Variants in KDM1B observed in about 807,000 individuals in gnomAD.
KDM1B encodes the protein lysine demethylase 1B.
A neutral mutation model predicts 107.4 loss-of-function variants in KDM1B; 63 were observed. The observed-to-expected ratio is 0.59, with a 90% confidence interval of 0.48 to 0.72. KDM1B has a LOEUF of 0.72. Among genes scored for constraint, KDM1B ranks in the 30% least tolerant of loss-of-function variants. The probability of loss-of-function intolerance (pLI) is 0.00; values close to 1 mark genes in which losing one functional copy is unlikely to be tolerated. For missense variants in KDM1B, 749 were observed against 1,020.8 expected (o/e 0.73, Z 3.63); for synonymous variants, 363 against 363.9 (o/e 1.00, Z 0.03).
At position 18,185,792 on chromosome 6, in the gene KDM1B, T is replaced by G; in HGVS notation, c.555T>G (p.Cys185Trp). ...TAIKPETSDH[C>W]SLPEDLRVLE... is the part of the protein sequence containing the mutation. Reference sequence around the variant, plus strand: ...TGTAGCCTGAGACCTCAGATCATTGTTCCCTCCCAGAGGATCTAGTGAGTA... The same window carrying G: ...TGTAGCCTGAGACCTCAGATCATTGGTCCCTCCCAGAGGATCTAGTGAGTA... Residue 185 changes from cysteine to tryptophan, a missense_variant, in exon 8 of 22, where the codon TGT (cysteine) becomes TGG (tryptophan). Coordinates refer to ENST00000650836, the MANE Select transcript of KDM1B (RefSeq NM_001364614.2). 1 of 1,614,088 alleles carries G rather than the reference T, an allele frequency of 6.2e-7. No homozygotes were observed. The highest frequency in any genetic ancestry group is 8.5e-7 in the Non-Finnish European group (1 of 1,179,922).
chr6:18,201,812 A>G lies in KDM1B; in HGVS notation c.1531+155A>G, dbSNP rs1468679699. The stretch of plus-strand genomic sequence containing the variant: ...GGACTGATGGATTCTCCAAGTTCTC[A>G]GGGGAGGAGAACTTTTTGTAGGGAG... On this transcript the variant is annotated intron_variant, in intron 14 of 21. Coordinates refer to ENST00000650836, the MANE Select transcript of KDM1B (RefSeq NM_001364614.2). The surrounding 1 kb of genome is among the most constrained non-coding windows in gnomAD (Gnocchi z 4.3). 6.6e-6 allele frequency among the ~76,000 whole-genome samples: 1 copy of G among 152,188 alleles called. No individual in the cohort carries two copies. Among genetic ancestry groups the G allele is most frequent in the Non-Finnish European group, 1.5e-5 (1 of 68,022 alleles).
At chr6:18,170,059 C>T (rs916132413) in intron 6 of KDM1B, among the ~76,000 whole-genome samples, 2 of 151,910 alleles carry the variant, frequency 1.3e-5, no homozygotes, top group Admixed American at 6.6e-5. Context: ...CAGGCATGCA[C>T]CCCCACGCCC....
intron 5 of KDM1B, among the ~76,000 whole-genome samples, chr6:18,165,158 G>A (rs190588511): frequency 0.039 from 3,128 of 80,686 alleles, 64 homozygotes; most frequent in Admixed American, 0.073. Flanking sequence ...TTTTGAGACA[G>A]AATCTTACTC....
intron 21 of KDM1B, among the ~76,000 whole-genome samples, chr6:18,221,275 C>G (rs954382310): frequency 2.6e-5 from 4 of 152,176 alleles, no homozygotes; most frequent in African/African-American, 9.7e-5. Context: ...CCCCTTTCCA[C>G]AGCCACATCT....
Position 18,213,658 on chromosome 6 carries a change from T to G in KDM1B, c.1986T>G (p.Ile662Met). ...CCTTTCTTCTGCTCACTTTGCAGATTGCCTTGCAATTTCCGTATAGATTTT... is the reference window on the plus strand; with the variant it reads ...CCTTTCTTCTGCTCACTTTGCAGATGGCCTTGCAATTTCCGTATAGATTTT... Reference protein sequence around the residue: ...NSLGAGIIEKIALQFPYRFWD... With the variant: ...NSLGAGIIEKMALQFPYRFWD... Residue 662 changes from isoleucine (I) to methionine (M), a missense_variant and splice_region_variant, in exon 19 of 22, where the codon ATT (isoleucine) becomes ATG (methionine). Ile to Met is a conservative substitution (Grantham distance 10, BLOSUM62 1). Transcript: ENST00000650836. The surrounding 1 kb of genome is among the most constrained non-coding windows in gnomAD (Gnocchi z 5.9). The G allele has an allele frequency of 6.2e-7, 1 of 1,614,078 alleles. No individual in the cohort carries two copies. Among genetic ancestry groups the G allele is most frequent in the Non-Finnish European group, 8.5e-7 (1 of 1,179,972 alleles).
intron 7 of KDM1B, among the ~76,000 whole-genome samples, chr6:18,177,840 T>C (rs1272393928): frequency 1.3e-5 from 2 of 152,312 alleles, no homozygotes; most frequent in East Asian, 1.9e-4. Context: ...TATTGGCTGC[T>C]TTTATGCTAC....
At chr6:18,185,333 G>A (rs370106039) in intron 7 of KDM1B, among the ~76,000 whole-genome samples, 37 of 147,426 alleles carry the variant, frequency 2.5e-4, no homozygotes, top group African/African-American at 7.5e-4. Context: ...ATGGAGTCTC[G>A]CTCTGTTACC....
Position 18,191,087 on chromosome 6 carries a change from TAG to T in KDM1B, c.785-105_785-104del. On this transcript the variant is annotated intron_variant, in intron 9 of 21. Coordinates refer to ENST00000650836, the MANE Select transcript of KDM1B (RefSeq NM_001364614.2). This position sits in a 1 kb window ranked among gnomAD's most constrained non-coding sequence, Gnocchi z 5.1. The stretch of plus-strand genomic sequence containing the variant: ...AGGAAGCAAAGGTATTTATGTAGGG[TAG>T]AGAGTGGAGCTTGTCTAGGCTTACT... 2.5e-6 allele frequency: 2 copies of T among 801,588 alleles called. No homozygotes were observed. The highest frequency in any genetic ancestry group is 4.0e-6 in the Non-Finnish European group (2 of 501,224). 49.7% of individuals were successfully genotyped at this position (801,588 alleles called of 1,614,324 possible). A position where few individuals can be genotyped will look rare whatever the true frequency, so the allele number is the denominator to read the frequency against.
chr6:18,204,495 ACAC>A lies in KDM1B; in HGVS notation c.1532-1036_1532-1034del, dbSNP rs1788245262. ...TCTCAGGAAAAAAAAGAAAAAGAAA[ACAC>A]CACCAGAAAAAGAAACGTGGAGTCT... is the stretch of plus-strand genomic sequence containing the variant. On this transcript the variant is annotated intron_variant, in intron 14 of 21. Coordinates refer to ENST00000650836, the MANE Select transcript of KDM1B (RefSeq NM_001364614.2). The surrounding 1 kb of genome is among the most constrained non-coding windows in gnomAD (Gnocchi z 4.9). 6.6e-6 allele frequency among the ~76,000 whole-genome samples: 1 copy of A among 152,084 alleles called. No homozygotes were observed.
chr6:18,178,027 A>G (rs554766945), intron 7 of KDM1B, among the ~76,000 whole-genome samples: 2 of 152,030 alleles, frequency 1.3e-5, no homozygotes, highest in African/African-American at 4.8e-5. Flanking sequence ...CCTTTGTTCA[A>G]TTTATTTCTA....
chr6:18,162,533 G>A lies in KDM1B; in HGVS notation c.216-302G>A, dbSNP rs1287594496. Among the ~76,000 whole-genome samples the A allele has an allele frequency of 2.0e-5, 3 of 152,056 alleles. No homozygotes were observed. The highest frequency in any genetic ancestry group is 4.4e-5 in the Non-Finnish European group (3 of 68,020). The stretch of plus-strand genomic sequence containing the variant: ...TCTCTCATGTCCACATATGCAGCCT[G>A]CAGCAAGCACAGTGGCATCTGTCCT... On this transcript the variant is annotated intron_variant, in intron 4 of 21. Transcript: ENST00000650836. The surrounding 1 kb of genome is among the most constrained non-coding windows in gnomAD (Gnocchi z 4.1).
In KDM1B at chr6:18,204,762, C is replaced by G. The variant is rs1019153225; in HGVS notation, c.1532-775C>G. Reference sequence around the variant, plus strand: ...AGGGAGAAATTCTGGGGGCTTGCCACGGCCCGGTGATGCCCGACTATAAAG... The same window carrying G: ...AGGGAGAAATTCTGGGGGCTTGCCAGGGCCCGGTGATGCCCGACTATAAAG... On this transcript the variant is annotated intron_variant, in intron 14 of 21. Transcript: ENST00000650836. The surrounding 1 kb of genome is among the most constrained non-coding windows in gnomAD (Gnocchi z 4.9). 6.6e-6 allele frequency among the ~76,000 whole-genome samples: 1 copy of G among 152,140 alleles called. No homozygotes were observed. Among genetic ancestry groups the G allele is most frequent in the Admixed American group, 6.5e-5 (1 of 15,286 alleles).
At position 18,213,852 on chromosome 6, in the gene KDM1B, C is replaced by A; in HGVS notation, c.2109+71C>A. The A allele has an allele frequency of 1.3e-6, 2 of 1,539,336 alleles. No individual in the cohort carries two copies. The highest frequency in any genetic ancestry group is 4.5e-5 in the East Asian group (2 of 44,390). On this transcript the variant is annotated intron_variant, in intron 19 of 21. Coordinates refer to ENST00000650836, the MANE Select transcript of KDM1B (RefSeq NM_001364614.2). This position sits in a 1 kb window ranked among gnomAD's most constrained non-coding sequence, Gnocchi z 5.9. ...TAGAATTTGATGTGATAATTACTCA[C>A]CTATCAAGCTCAGGAACTAACGAAC...
chr6:18,169,291 T>G (rs1438202226), intron 6 of KDM1B, among the ~76,000 whole-genome samples: 2 of 151,156 alleles, frequency 1.3e-5, no homozygotes, highest in Non-Finnish European at 1.5e-5. Context: ...TGCAGTGCAA[T>G]GGTGCCATCT....
intron 7 of KDM1B, among the ~76,000 whole-genome samples, chr6:18,180,781 G>A (rs1369426688): frequency 6.6e-6 from 1 of 152,176 alleles, no homozygotes; most frequent in East Asian, 1.9e-4. Context: ...GGCCAGGCTG[G>A]TCTCGAACTC....
At chr6:18,207,351 G>A in intron 15 of KDM1B, 47 bp from the exon 16 acceptor site, 1 of 1,600,466 alleles carries the variant, frequency 6.2e-7, no homozygotes, top group South Asian at 1.1e-5. Context: ...TCAGGCACAG[G>A]CACAAGGATT....
intron 6 of KDM1B, 89 bp from the exon 7 acceptor site, chr6:18,171,274 G>A (rs1014244913): frequency 1.4e-5 from 11 of 779,036 alleles, no homozygotes; most frequent in Non-Finnish European, 2.4e-5. Flanking sequence ...TTGCTAACAG[G>A]TTGGAGAAGA....
Position 18,185,801 on chromosome 6 carries a change from A to G in KDM1B, c.564A>G (p.Pro188=). The G allele has an allele frequency of 6.2e-7, 1 of 1,614,004 alleles. No individual in the cohort carries two copies. The highest frequency in any genetic ancestry group is 8.5e-7 in the Non-Finnish European group (1 of 1,179,904). The change falls in exon 8 of 22, where the codon CCA becomes CCG. Residue 188 remains proline, a synonymous_variant. Transcript: ENST00000650836. ...KPETSDHCSL[P]EDLRVLEVSN... is the part of the protein sequence containing the mutation. Reference sequence around the variant, plus strand: ...AGACCTCAGATCATTGTTCCCTCCCAGAGGATCTAGTGAGTATTTCCGGAT... The same window carrying G: ...AGACCTCAGATCATTGTTCCCTCCCGGAGGATCTAGTGAGTATTTCCGGAT...
In KDM1B at chr6:18,205,848, C is replaced by G. The variant is rs1478718737; in HGVS notation, c.1659+184C>G. Among the ~76,000 whole-genome samples the G allele has an allele frequency of 6.6e-6, 1 of 152,044 alleles. No individual in the cohort carries two copies. Among genetic ancestry groups the G allele is most frequent in the African/African-American group, 2.4e-5 (1 of 41,392 alleles). On this transcript the variant is annotated intron_variant, in intron 15 of 21. Coordinates refer to ENST00000650836, the MANE Select transcript of KDM1B (RefSeq NM_001364614.2). This position sits in a 1 kb window ranked among gnomAD's most constrained non-coding sequence, Gnocchi z 5.7. ...CTCTACTAAAATACAAAAAATTAGC[C>G]AGGCCTGGTGGCGCATACCTGTAGT...
Sources: allele counts gnomAD v4.1 joint callset (sites outside exome capture counted in the v4.1 genomes callset), GRCh38; gene constraint gnomAD v4.1.1; non-coding constraint Gnocchi (gnomAD v3.1); transcripts MANE v1.5; gene names NCBI Gene and HGNC (gene_info 2026-07-23, HGNC 2026-07-21).